MTUS1: variants seen among roughly 807,000 people sequenced by gnomAD.
MTUS1 encodes the protein microtubule-associated tumor suppressor 1.
Under a neutral mutation model 120.8 loss-of-function variants are expected in MTUS1, and 109 were observed. The observed-to-expected ratio is 0.90, with a 90% confidence interval of 0.77 to 1.06. The LOEUF is 1.06. MTUS1 is among the 50% of genes least tolerant of loss of function. The pLI is 0.00. For missense variants in MTUS1, 2,210 were observed against 1,486.3 expected (o/e 1.49, Z -8.01); for synonymous variants, 737 against 550.5 (o/e 1.34, Z -4.74).
At chr8:17,762,621 GA>G (rs1394145748) in intron 1 of MTUS1, among the ~76,000 whole-genome samples, 1 of 152,156 alleles carries the variant, frequency 6.6e-6, no homozygotes, top group East Asian at 1.9e-4. Context: ...TCAACAGCAG[GA>G]AACTAGAGTT....
At chr8:17,730,775 G>A (rs1018058974) in intron 3 of MTUS1, among the ~76,000 whole-genome samples, 7 of 152,172 alleles carry the variant, frequency 4.6e-5, no homozygotes, top group Non-Finnish European at 5.9e-5. Flanking sequence ...ATAGTCAAAT[G>A]CATATAGACA....
intron 10 of MTUS1, chr8:17,653,844 A>C (rs7014436): frequency 0.1 from 19,829 of 199,148 alleles, 1,096 homozygotes; most frequent in East Asian, 0.15. Context: ...GCTCTTTTCA[A>C]TTTGCTCTTC....
In MTUS1 at chr8:17,679,087, A is replaced by C. The variant is rs531312499; in HGVS notation, c.2839-3835T>G. Among the ~76,000 whole-genome samples the C allele has an allele frequency of 8.5e-5, 13 of 152,344 alleles. 1 individual carries two copies. The East Asian group carries it at 2.5e-3, about 29-fold the overall frequency. Reference sequence around the variant, plus strand: ...TACAGTGGGAAACTTATAGTTACTAAGTAGACTTGCAACAAAAGCATGGTA... The same window carrying C: ...TACAGTGGGAAACTTATAGTTACTACGTAGACTTGCAACAAAAGCATGGTA... On this transcript the variant is annotated intron_variant, in intron 7 of 14. Transcript: ENST00000693296.
intron 6 of MTUS1, chr8:17,706,188 C>T (rs1820122035): frequency 6.6e-6 from 1 of 152,086 alleles, no homozygotes. Context: ...CCATCATTAC[C>T]GTTCCTAGCA....
At chr8:17,680,324 T>C (rs1814102078) in intron 7 of MTUS1, among the ~76,000 whole-genome samples, 1 of 151,154 alleles carries the variant, frequency 6.6e-6, no homozygotes, top group Non-Finnish European at 1.5e-5. Context: ...ATTATCTGGG[T>C]ATGGTGGTGG....
chr8:17,690,850 CTAAGA>C (rs1816800751), intron 6 of MTUS1, among the ~76,000 whole-genome samples: 1 of 151,994 alleles, frequency 6.6e-6, no homozygotes, highest in Non-Finnish European at 1.5e-5. Flanking sequence ...AAAGTATTGC[CTAAGA>C]TAAATACAGA....
In MTUS1 at chr8:17,654,683, A is replaced by C. The variant is rs973796857; in HGVS notation, c.3109-17T>G. ...GTTGTCAAACTGTAAGCAACAAACAAAACCGTGGTTTAACAGTAAAACCAA... is the reference window on the plus strand; with the variant it reads ...GTTGTCAAACTGTAAGCAACAAACACAACCGTGGTTTAACAGTAAAACCAA... On this transcript the variant is annotated splice_polypyrimidine_tract_variant and intron_variant, in intron 9 of 14. Coordinates refer to ENST00000693296, the MANE Select transcript of MTUS1 (RefSeq NM_001363059.2). 5 of 1,592,566 alleles carry C rather than the reference A, an allele frequency of 3.1e-6. No individual in the cohort carries two copies. The highest frequency in any genetic ancestry group is 4.3e-6 in the Non-Finnish European group (5 of 1,160,340).
intron 12 of MTUS1, 26 bp from the exon 13 acceptor site, chr8:17,649,988 C>G (rs1367284195): frequency 4.4e-6 from 5 of 1,139,076 alleles, no homozygotes. Context: ...CAAGATACTG[C>G]TCTTATTCCA....
chr8:17,654,786 A>G, intron 9 of MTUS1, 120 bp from the exon 10 acceptor site: 2 of 683,304 alleles, frequency 2.9e-6, no homozygotes, highest in African/African-American at 1.8e-5. Context: ...CTCTAGTTTA[A>G]AGGCTCCTCA....
Position 17,723,714 on chromosome 8 carries a change from T to G in MTUS1, c.2407A>C (p.Ile803Leu). 6.2e-7 allele frequency: 1 copy of G among 1,611,030 alleles called. No individual in the cohort carries two copies. Among genetic ancestry groups the G allele is most frequent in the Non-Finnish European group, 8.5e-7 (1 of 1,177,924 alleles). Residue 803 changes from isoleucine (I) to leucine (L), a missense_variant, in exon 4 of 15, where the codon ATA (isoleucine) becomes CTA (leucine). By Grantham distance (5) the Ile-to-Leu change is conservative (BLOSUM62 2). Coordinates refer to ENST00000693296, the MANE Select transcript of MTUS1 (RefSeq NM_001363059.2). ...ALRRTGSTPS[I>L]ASTHSELSTY... ...CTCAGCTCACTGTGGGTGCTGGCTA[T>G]TGAGGGGGTGCTTCCTGTCCTCCGC...
chr8:17,783,500 C>A (rs557695620), intron 1 of MTUS1, among the ~76,000 whole-genome samples: 1 of 152,136 alleles, frequency 6.6e-6, no homozygotes, highest in East Asian at 1.9e-4. Flanking sequence ...CCTCACTAGA[C>A]ATGGAGGAGG....
Position 17,679,446 on chromosome 8 carries a change from GTTTAAC to G in MTUS1, c.2839-4200_2839-4195del, listed in dbSNP as rs1252726869. ...AAAGGTTAAGGGAGTTTTTAAAATT[GTTTAAC>G]TTTACCCATGATTTTTTTTCTCCAA... is the stretch of plus-strand genomic sequence containing the variant. On this transcript the variant is annotated intron_variant, in intron 7 of 14. Transcript: ENST00000693296. Among the ~76,000 whole-genome samples the G allele has an allele frequency of 2.0e-5, 3 of 151,384 alleles. No individual in the cohort carries two copies. In the South Asian group the frequency reaches 6.3e-4, roughly 32 times the overall value.
At chr8:17,680,462 CGCA>C (rs1814160190) in intron 7 of MTUS1, among the ~76,000 whole-genome samples, 2 of 92,198 alleles carry the variant, frequency 2.2e-5, no homozygotes, top group South Asian at 3.8e-4. Flanking sequence ...AGGCCACTGT[CGCA>C]AAAAAAAAAA....
intron 1 of MTUS1, among the ~76,000 whole-genome samples, chr8:17,790,107 G>C (rs138979080): frequency 0.023 from 3,569 of 152,220 alleles, 144 homozygotes; most frequent in African/African-American, 0.08. Context: ...CCAGCACTTT[G>C]GGAGGTTGAG....
At chr8:17,722,251 G>C in intron 4 of MTUS1, 6 of 994,080 alleles carry the variant, frequency 6.0e-6, no homozygotes, top group Non-Finnish European at 7.2e-6. Context: ...CATGGATGTC[G>C]ATGGAAAACA....
intron 8 of MTUS1, among the ~76,000 whole-genome samples, chr8:17,658,059 A>ACACACACACACACC: frequency 6.8e-6 from 1 of 147,690 alleles, no homozygotes; most frequent in Admixed American, 6.8e-5. Flanking sequence ...ACACACACAC[A>ACACACACACACACC]CAGAGTCTTG....
intron 3 of MTUS1, among the ~76,000 whole-genome samples, chr8:17,741,217 G>A (rs185787818): frequency 3.6e-3 from 546 of 152,060 alleles, no homozygotes; most frequent in Non-Finnish European, 5.9e-3. Context: ...ACCCCTACTG[G>A]ATTAGGATCC....
At position 17,754,703 on chromosome 8, in the gene MTUS1, G is replaced by A. The variant is rs762374592; in HGVS notation, c.1105C>T (p.His369Tyr). 9.9e-6 allele frequency: 16 copies of A among 1,614,198 alleles called. 2 individuals are homozygous for A. The highest frequency in any genetic ancestry group is 1.6e-4 in the Middle Eastern group (1 of 6,062). The stretch of plus-strand genomic sequence containing the variant: ...GTGTCTTCAGTCTCAGTGACTTTAT[G>A]CTCTGGGTTCAGCACTTGAGCTTCG... ...KSEAQVLNPEHKVTETEDTQM... is the reference protein window; with the variant it reads ...KSEAQVLNPEYKVTETEDTQM... Residue 369 changes from histidine (H) to tyrosine (Y), a missense_variant, in exon 2 of 15, where the codon CAT becomes TAT. By Grantham distance (83) the His-to-Tyr change is moderately conservative. Coordinates refer to ENST00000693296, the MANE Select transcript of MTUS1 (RefSeq NM_001363059.2).
At chr8:17,776,138 C>T (rs1364326922) in intron 1 of MTUS1, among the ~76,000 whole-genome samples, 1 of 150,298 alleles carries the variant, frequency 6.7e-6, no homozygotes, top group Non-Finnish European at 1.5e-5. Flanking sequence ...TGAACATAGT[C>T]GGGAGAAAAA....
Sources: allele counts gnomAD v4.1 joint callset (sites outside exome capture counted in the v4.1 genomes callset), GRCh38; gene constraint gnomAD v4.1.1; transcripts MANE v1.5; gene names NCBI Gene and HGNC (gene_info 2026-07-23, HGNC 2026-07-21).